Variants in SLC24A3 observed in about 807,000 individuals in gnomAD.
The protein encoded by SLC24A3 is sodium/potassium/calcium exchanger 3.
In SLC24A3, 28 loss-of-function variants were observed where a neutral mutation model predicts 75.8. The ratio of observed to expected loss-of-function variants is 0.37; its 90% confidence interval spans 0.27 to 0.51. The LOEUF (loss-of-function observed/expected upper bound fraction) is 0.51. Among genes scored for constraint, SLC24A3 ranks in the 20% least tolerant of loss-of-function variants. The pLI, the probability that SLC24A3 is intolerant of heterozygous loss-of-function variation, is 0.94. For synonymous variants in SLC24A3, 372 were observed against 334.1 expected, an observed-to-expected ratio of 1.11 and a Z score of -1.24; for missense variants, 663 against 847.8, an observed-to-expected ratio of 0.78 and a Z score of 2.71.
intron 1 of SLC24A3, among the ~76,000 whole-genome samples, chr20:19,250,009 T>C (rs533615399): frequency 1.2e-4 from 18 of 152,250 alleles, no homozygotes; most frequent in South Asian, 8.3e-4. Flanking sequence ...ATCTTTCCTA[T>C]TTGCAGTCCT....
At chr20:19,281,757 A>T (rs1983670050) in intron 2 of SLC24A3, among the ~76,000 whole-genome samples, 3 of 152,166 alleles carry the variant, frequency 2.0e-5, no homozygotes, top group Admixed American at 2.0e-4. Context: ...GGAGTCAGTA[A>T]ACTTGTTCTG....
intron 1 of SLC24A3, among the ~76,000 whole-genome samples, chr20:19,228,540 G>A (rs1981931025): frequency 6.6e-6 from 1 of 151,982 alleles, no homozygotes; most frequent in South Asian, 2.1e-4. Flanking sequence ...AGCTACTCGG[G>A]AGACTGAGGC....
At chr20:19,496,115 G>A (rs1427823542) in intron 2 of SLC24A3, among the ~76,000 whole-genome samples, 1 of 152,164 alleles carries the variant, frequency 6.6e-6, no homozygotes, top group Non-Finnish European at 1.5e-5. Context: ...CCCTTTGGCT[G>A]GCACAGGGAA....
At chr20:19,346,079 A>ATATG (rs1322322005) in intron 2 of SLC24A3, among the ~76,000 whole-genome samples, 4 of 64,392 alleles carry the variant, frequency 6.2e-5, no homozygotes, top group African/African-American at 5.6e-4. Context: ...ATATATATAT[A>ATATG]TATATATATA....
At chr20:19,415,238 ACACT>A (rs1451155110) in intron 2 of SLC24A3, among the ~76,000 whole-genome samples, 1 of 152,210 alleles carries the variant, frequency 6.6e-6, no homozygotes. Flanking sequence ...CACCACTGAC[ACACT>A]CACACCTGCT....
intron 2 of SLC24A3, among the ~76,000 whole-genome samples, chr20:19,406,179 AT>A (rs1986640352): frequency 6.8e-6 from 1 of 148,120 alleles, no homozygotes; most frequent in African/African-American, 2.6e-5. Context: ...GCTTTTAAAG[AT>A]GGTGTGTGTG....
chr20:19,403,148 G>T (rs1986582454), intron 2 of SLC24A3, among the ~76,000 whole-genome samples: 1 of 152,156 alleles, frequency 6.6e-6, no homozygotes, highest in African/African-American at 2.4e-5. Flanking sequence ...CCAAAAACTG[G>T]GGAAGGGCCA....
At chr20:19,545,313 C>T (rs1281567336) in intron 3 of SLC24A3, among the ~76,000 whole-genome samples, 1 of 152,194 alleles carries the variant, frequency 6.6e-6, no homozygotes, top group African/African-American at 2.4e-5. Flanking sequence ...GAGAGGAATT[C>T]CCTATTTCCA....
intron 2 of SLC24A3, among the ~76,000 whole-genome samples, chr20:19,473,994 T>C (rs1987918931): frequency 6.6e-6 from 1 of 152,244 alleles, no homozygotes. Context: ...TTTGGTTTAT[T>C]TTCCAGAACA....
chr20:19,717,105 A>AT lies in SLC24A3; in HGVS notation c.1720-418dup, dbSNP rs373126377. On this transcript the variant is annotated intron_variant, in intron 15 of 16. Transcript: ENST00000328041. Reference sequence around the variant, plus strand: ...CAAAAGAGATGAAAAGTTTATTCATATTTTTCCATTGCCCATGTCATGAAA... The same window carrying AT: ...CAAAAGAGATGAAAAGTTTATTCATATTTTTTCCATTGCCCATGTCATGAAA... Among the ~76,000 whole-genome samples the AT allele has an allele frequency of 1.1e-3, 167 of 152,294 alleles. 1 individual carries two copies. The highest frequency in any genetic ancestry group is 3.9e-3 in the African/African-American group (163 of 41,556).
At chr20:19,529,925 A>C (rs1839235588) in intron 3 of SLC24A3, among the ~76,000 whole-genome samples, 1 of 152,212 alleles carries the variant, frequency 6.6e-6, no homozygotes, top group Non-Finnish European at 1.5e-5. Context: ...AAAAATGGCA[A>C]GAAGTGAATC....
intron 6 of SLC24A3, among the ~76,000 whole-genome samples, chr20:19,627,528 G>C (rs931674707): frequency 3.3e-5 from 5 of 152,040 alleles, no homozygotes; most frequent in African/African-American, 1.2e-4. Context: ...TTACTTGGCA[G>C]ATGGACTGAG....
At chr20:19,651,184 A>G (rs1482570529) in intron 6 of SLC24A3, among the ~76,000 whole-genome samples, 1 of 151,974 alleles carries the variant, frequency 6.6e-6, no homozygotes, top group Admixed American at 6.6e-5. Flanking sequence ...TTTTTCAGAA[A>G]GGACACATAG....
intron 2 of SLC24A3, among the ~76,000 whole-genome samples, chr20:19,394,961 C>G (rs1017743363): frequency 2.0e-5 from 3 of 152,142 alleles, no homozygotes; most frequent in Admixed American, 2.0e-4. Flanking sequence ...AATGTGGGAG[C>G]AACCCAAATG....
chr20:19,419,795 A>G (rs1301299079), intron 2 of SLC24A3, among the ~76,000 whole-genome samples: 2 of 149,342 alleles, frequency 1.3e-5, no homozygotes, highest in Non-Finnish European at 3.0e-5. Context: ...CATTAATTCC[A>G]GGTCTCGCCA....
chr20:19,308,790 G>A (rs1391046809), intron 2 of SLC24A3, among the ~76,000 whole-genome samples: 1 of 152,142 alleles, frequency 6.6e-6, no homozygotes, highest in Non-Finnish European at 1.5e-5. Context: ...TATCGTTTCT[G>A]CCTAAGTGGC....
intron 1 of SLC24A3, among the ~76,000 whole-genome samples, chr20:19,264,740 A>AAAC (rs1555784825): frequency 1.3e-5 from 2 of 151,072 alleles, no homozygotes; most frequent in East Asian, 1.9e-4. Flanking sequence ...AAAAAAAAAA[A>AAAC]AAAAACAAAA....
chr20:19,566,624 T>C (rs2030962580), intron 3 of SLC24A3, among the ~76,000 whole-genome samples: 2 of 152,218 alleles, frequency 1.3e-5, no homozygotes, highest in Non-Finnish European at 2.9e-5. Context: ...GAAACTCATA[T>C]AGATGTAGGA....
intron 2 of SLC24A3, among the ~76,000 whole-genome samples, chr20:19,485,122 A>C (rs956422050): frequency 1.3e-5 from 2 of 152,154 alleles, no homozygotes; most frequent in African/African-American, 2.4e-5. Context: ...TATTTCTGTC[A>C]ATTTTTTTTA....
Sources: gnomAD v4.1 joint callset for allele counts (sites outside exome capture counted in the v4.1 genomes callset) on GRCh38, gnomAD v4.1.1 for gene constraint, MANE v1.5 for transcripts, NCBI Gene and HGNC (gene_info 2026-07-23, HGNC 2026-07-21) for gene names.